The following TMPRSS5 variants were observed in gnomAD, a reference collection of about 807,000 sequenced individuals.
TMPRSS5 encodes the protein transmembrane serine protease 5.
Under a neutral mutation model 59.7 loss-of-function variants are expected in TMPRSS5, and 45 were observed. The ratio of observed to expected loss-of-function variants is 0.75; its 90% CI spans 0.59 to 0.97. TMPRSS5 has a LOEUF of 0.97. Ranked by LOEUF, TMPRSS5 falls within the 50% of genes least tolerant of loss-of-function variation. The pLI, the probability that TMPRSS5 is intolerant of heterozygous loss-of-function variation, is 0.00. For missense variants in TMPRSS5, 585 were observed against 596.7 expected, an observed-to-expected ratio of 0.98 and a Z score of 0.20; for synonymous variants, 225 against 232.0, an observed-to-expected ratio of 0.97 and a Z score of 0.27.
chr11:113,697,075 G>A, intron 5 of TMPRSS5, 104 bp from the exon 6 acceptor site: 1 of 1,165,586 alleles, frequency 8.6e-7, no homozygotes, highest in Non-Finnish European at 1.3e-6. Context: ...GATTACTGCT[G>A]GGGTTTATGC....
At chr11:113,690,672 G>A (rs544875252) in intron 10 of TMPRSS5, among the ~76,000 whole-genome samples, 169 bp downstream of exon 10, 9 of 152,236 alleles carry the variant, frequency 5.9e-5, no homozygotes, top group Non-Finnish European at 1.2e-4. Flanking sequence ...GTTCTCCCCA[G>A]AAAGGCCCAA....
Position 113,695,431 on chromosome 11 carries a change from A to T in TMPRSS5, c.591T>A (p.Thr197=). Residue 197 remains threonine, a synonymous_variant, in exon 7 of 13, where the codon ACT becomes ACA. Coordinates refer to ENST00000299882, the MANE Select transcript of TMPRSS5 (RefSeq NM_030770.4). The part of the protein sequence containing the change: ...EEAWQPRNNC[T]SGQVVSLRCS... Reference sequence around the variant, plus strand: ...ATCTGAGGGAAACAACTTGACCAGAAGTGCAGTTGTTCCTGCAAAACAGAG... The same window carrying T: ...ATCTGAGGGAAACAACTTGACCAGATGTGCAGTTGTTCCTGCAAAACAGAG... 6.2e-7 allele frequency: 1 copy of T among 1,613,974 alleles called. No individual in the cohort carries two copies. The highest frequency in any genetic ancestry group is 8.5e-7 in the Non-Finnish European group (1 of 1,179,866).
rs1002475921 is a variant in TMPRSS5 at position 113,688,207 on chromosome 11, C to A, written c.*53G>T. 30 of 1,555,940 alleles carry A rather than the reference C, an allele frequency of 1.9e-5. No individual in the cohort carries two copies. Among genetic ancestry groups the A allele is most frequent in the Admixed American group, 1.2e-4 (6 of 50,580 alleles). On this transcript the variant is annotated 3_prime_UTR_variant, in exon 13 of 13. Transcript: ENST00000299882. The stretch of plus-strand genomic sequence containing the variant: ...CTCCATTAGTGGAGCTGCTGGAGGC[C>A]CCAGGAAGCATGAGGCAGTGGTGTG...
At chr11:113,703,110 G>T (rs1018809650) in intron 1 of TMPRSS5, among the ~76,000 whole-genome samples, 2 of 152,206 alleles carry the variant, frequency 1.3e-5, no homozygotes, top group African/African-American at 4.8e-5. Context: ...TGTGAGCCTG[G>T]AAAAGCTGCA....
chr11:113,698,694 G>T, intron 4 of TMPRSS5: 1 of 577,562 alleles, frequency 1.7e-6, no homozygotes, highest in Non-Finnish European at 3.0e-6. Flanking sequence ...CCTTGCCCCA[G>T]CTAGAGATCA....
rs1953074559 is a variant in TMPRSS5, at chr11:113,699,813, GC to G, written c.107-121del. 2.9e-6 allele frequency: 4 copies of G among 1,375,908 alleles called. No individual in the cohort carries two copies. In the Admixed American group the frequency reaches 8.1e-5, roughly 28 times the overall value. The allele number at this position is 1,375,908 out of a possible 1,614,324, so 85.2% of individuals were successfully genotyped here. A position where few individuals can be genotyped will look rare whatever the true frequency, so the allele number is the denominator to read the frequency against. On this transcript the variant is annotated intron_variant, in intron 2 of 12. Coordinates refer to ENST00000299882, the MANE Select transcript of TMPRSS5 (RefSeq NM_030770.4). Reference sequence around the variant, plus strand: ...GAGCTCCAACAGGACACCTCCTCCTGCCCCATCAGCCCAGATTAGGGAGGGA... The same window carrying G: ...GAGCTCCAACAGGACACCTCCTCCTGCCCATCAGCCCAGATTAGGGAGGGA...
In TMPRSS5 at chr11:113,706,152, G is replaced by A. The variant is rs533293578; in HGVS notation, c.3+70C>T. 6 of 1,549,656 alleles carry A rather than the reference G, an allele frequency of 3.9e-6. No individual in the cohort carries two copies. In the Admixed American group the frequency reaches 5.7e-5, roughly 15 times the overall value. ...TCTTTCCACCAGCCTAGAATCCCAA[G>A]GGCAGAGGAGGGAGAGAGAAAGAAA... On this transcript the variant is annotated intron_variant, in intron 1 of 12. Coordinates refer to ENST00000299882, the MANE Select transcript of TMPRSS5 (RefSeq NM_030770.4).
chr11:113,694,147 A>G (rs535091959), intron 8 of TMPRSS5, among the ~76,000 whole-genome samples: 1 of 150,796 alleles, frequency 6.6e-6, no homozygotes, highest in Non-Finnish European at 1.5e-5. Flanking sequence ...TGCCCAGCTG[A>G]GGCACAAGAA....
intron 1 of TMPRSS5, among the ~76,000 whole-genome samples, chr11:113,705,428 T>C (rs1953264496): frequency 6.6e-6 from 1 of 151,964 alleles, no homozygotes; most frequent in Non-Finnish European, 1.5e-5. Flanking sequence ...TAGAAAGAGG[T>C]ACCAGCCCCA....
chr11:113,690,180 T>TCCCCCCCCCCCCCCCCCCCC, intron 11 of TMPRSS5, 51 bp downstream of exon 11: 4 of 187,990 alleles, frequency 2.1e-5, no homozygotes, highest in Non-Finnish European at 2.7e-5. Flanking sequence ...CCCCCTGCCC[T>TCCCCCCCCCCCCCCCCCCCC]CCCACCCCCA....
In TMPRSS5 at chr11:113,706,227, G is replaced by T. The variant is rs1953290136; in HGVS notation, c.-3C>A. ...GCACAGAGACGTAACCTTACCATAGGGGTCAGTGGCACTGTTGTAAAGCCT... is the reference window on the plus strand; with the variant it reads ...GCACAGAGACGTAACCTTACCATAGTGGTCAGTGGCACTGTTGTAAAGCCT... On this transcript the variant is annotated 5_prime_UTR_variant, in exon 1 of 13. Coordinates refer to ENST00000299882, the MANE Select transcript of TMPRSS5 (RefSeq NM_030770.4). 1.2e-6 allele frequency: 2 copies of T among 1,601,842 alleles called. No individual in the cohort carries two copies. Among genetic ancestry groups the T allele is most frequent in the African/African-American group, 1.3e-5 (1 of 74,672 alleles).
At chr11:113,692,788 A>G (rs1952818805) in intron 9 of TMPRSS5, among the ~76,000 whole-genome samples, 1 of 152,086 alleles carries the variant, frequency 6.6e-6, no homozygotes, top group Non-Finnish European at 1.5e-5. Context: ...GGAGCAGCCT[A>G]TTGGTGGATG....
chr11:113,705,463 C>T (rs1174151808), intron 1 of TMPRSS5, among the ~76,000 whole-genome samples: 1 of 152,182 alleles, frequency 6.6e-6, no homozygotes, highest in Non-Finnish European at 1.5e-5. Flanking sequence ...ACACCAGCCA[C>T]AGCCCAGGAC....
At chr11:113,689,280 C>T (rs1444472614) in intron 12 of TMPRSS5, among the ~76,000 whole-genome samples, 15 of 151,948 alleles carry the variant, frequency 9.9e-5, no homozygotes, top group Non-Finnish European at 1.8e-4. Context: ...CGCTTGAACC[C>T]GGGAGATAGA....
At chr11:113,688,840 C>T (rs560906507) in intron 12 of TMPRSS5, among the ~76,000 whole-genome samples, 72 of 152,232 alleles carry the variant, frequency 4.7e-4, no homozygotes, top group African/African-American at 1.6e-3. Flanking sequence ...GGATTACAGG[C>T]GTGAGCCACC....
intron 11 of TMPRSS5, 55 bp downstream of exon 11, chr11:113,690,176 G>GGGC: frequency 8.5e-5 from 33 of 388,210 alleles, no homozygotes; most frequent in Non-Finnish European, 1.3e-4. Flanking sequence ...CAGGCCCCCT[G>GGGC]CCCTCCCACC....
In TMPRSS5 at chr11:113,690,935, A is replaced by G. The variant is rs1414443690; in HGVS notation, c.969T>C (p.Thr323=). 3.2e-6 allele frequency: 5 copies of G among 1,583,150 alleles called. No homozygotes were observed. The highest frequency in any genetic ancestry group is 2.7e-5 in the African/African-American group (2 of 74,318). Residue 323 remains threonine, a synonymous_variant, in exon 10 of 13, where the codon ACT becomes ACC. Coordinates refer to ENST00000299882, the MANE Select transcript of TMPRSS5 (RefSeq NM_030770.4). Reference sequence around the variant, plus strand: ...TGGCCGGCAGGCACACAGCGCCCACAGTGTCTGTAGAGAGGCACATGGTCC... The same window carrying G: ...TGGCCGGCAGGCACACAGCGCCCACGGTGTCTGTAGAGAGGCACATGGTCC... ...RLQTALNFSD[T]VGAVCLPAKE... is the part of the protein sequence containing the mutation.
chr11:113,694,523 A>G lies in TMPRSS5; in HGVS notation c.740T>C (p.Val247Ala). The G allele has an allele frequency of 1.3e-6, 2 of 1,565,074 alleles. No homozygotes were observed. Among genetic ancestry groups the G allele is most frequent in the Non-Finnish European group, 1.7e-6 (2 of 1,154,482 alleles). The change falls in exon 8 of 13, where the codon GTG becomes GCG. Residue 247 changes from valine to alanine, a missense_variant. Val to Ala is a moderately conservative substitution (Grantham distance 64). Coordinates refer to ENST00000299882, the MANE Select transcript of TMPRSS5 (RefSeq NM_030770.4). ...LGFRHTCGGSVLAPRWVVTAA... is the reference protein window; with the variant it reads ...LGFRHTCGGSALAPRWVVTAA... ...AGTCACCACCCAGCGTGGCGCTAGCACAGAGCCCCCACACGTGTGCCGGAA... is the reference window on the plus strand; with the variant it reads ...AGTCACCACCCAGCGTGGCGCTAGCGCAGAGCCCCCACACGTGTGCCGGAA...
chr11:113,698,439 T>A (rs1286336891), intron 4 of TMPRSS5, among the ~76,000 whole-genome samples: 1 of 152,186 alleles, frequency 6.6e-6, no homozygotes, highest in Non-Finnish European at 1.5e-5. Context: ...AATGAGGTTA[T>A]TCTAAGCCCC....
Sources: allele counts gnomAD v4.1 joint callset (sites outside exome capture counted in the v4.1 genomes callset), GRCh38; gene constraint gnomAD v4.1.1; transcripts MANE v1.5; gene names NCBI Gene and HGNC (gene_info 2026-07-23, HGNC 2026-07-21).